Variants in TRAF7 observed in about 807,000 individuals in gnomAD.
TRAF7 encodes TNF receptor associated factor 7.
TRAF7 carries 45 observed loss-of-function variants against 89.3 expected under a neutral mutation model. That is an observed-to-expected ratio of 0.50 (90% CI 0.40 to 0.65). The LOEUF is 0.65. Among genes scored for constraint, TRAF7 ranks in the 30% least tolerant of loss-of-function variants. The pLI is 0.00. For synonymous variants in TRAF7, 406 were observed against 369.2 expected (o/e 1.10, Z -1.14); for missense variants, 677 against 918.1 (o/e 0.74, Z 3.39).
At chr16:2,167,324 C>A (rs1411991499) in intron 3 of TRAF7, among the ~76,000 whole-genome samples, 1 of 139,672 alleles carries the variant, frequency 7.2e-6, no homozygotes, top group East Asian at 1.9e-4. Context: ...GGCAGCCTCT[C>A]GAGGCCTCAA....
At chr16:2,165,782 T>C (rs1404149280) in intron 2 of TRAF7, 97 bp from the exon 3 acceptor site, 9 of 1,419,358 alleles carry the variant, frequency 6.3e-6, no homozygotes, top group Non-Finnish European at 7.9e-6. Flanking sequence ...CTGCGTGGCC[T>C]GGCCTGGTCG....
intron 4 of TRAF7, 103 bp from the exon 5 acceptor site, chr16:2,170,511 A>G (rs1293283405): frequency 6.1e-6 from 5 of 813,514 alleles, no homozygotes; most frequent in Non-Finnish European, 8.1e-6. Flanking sequence ...GGGTGGCCCC[A>G]GGGGTGCTGC....
In TRAF7 at chr16:2,163,638, A is replaced by G. The variant is rs1196809412; in HGVS notation, c.-38-245A>G. ...AGCTGGATGGGCTCTTCGGGAGCTC[A>G]GAAAGGCTAAGCCTTGAGGGACGGT... On this transcript the variant is annotated intron_variant, in intron 1 of 20. Coordinates refer to ENST00000326181, the MANE Select transcript of TRAF7 (RefSeq NM_032271.3). The surrounding 1 kb of genome is among the most constrained non-coding windows in gnomAD (Gnocchi z 4.3). The G allele has an allele frequency of 8.3e-6, 4 of 481,456 alleles. No homozygotes were observed. The highest frequency in any genetic ancestry group is 1.5e-5 in the Non-Finnish European group (4 of 263,238). 29.8% of individuals were successfully genotyped at this position (481,456 alleles called of 1,614,324 possible). A position where few individuals can be genotyped will look rare whatever the true frequency, so the allele number is the denominator to read the frequency against.
rs369407171 is a variant in TRAF7, at chr16:2,175,092, A to G, written c.1347-19A>G. ...GACACAGCTTCTCCCACCTTGACACATTGTCTCTGCTTCCCCAGGTGCAAA... is the reference window on the plus strand; with the variant it reads ...GACACAGCTTCTCCCACCTTGACACGTTGTCTCTGCTTCCCCAGGTGCAAA... On this transcript the variant is annotated intron_variant, in intron 14 of 20. Transcript: ENST00000326181. 12 of 1,613,562 alleles carry G rather than the reference A, an allele frequency of 7.4e-6. No individual in the cohort carries two copies. Among genetic ancestry groups the G allele is most frequent in the African/African-American group, 5.3e-5 (4 of 74,898 alleles).
chr16:2,160,225 C>A (rs1465984210), intron 1 of TRAF7, among the ~76,000 whole-genome samples: 3 of 152,032 alleles, frequency 2.0e-5, no homozygotes, highest in Admixed American at 1.3e-4. Context: ...AGGGGCTGCC[C>A]TGCGTTGGCC....
At chr16:2,173,857 G>GCGGGGGGGCCCCCCCCC in intron 12 of TRAF7, 21 bp downstream of exon 12, 8 of 1,607,474 alleles carry the variant, frequency 5.0e-6, no homozygotes, top group Admixed American at 1.7e-5. Flanking sequence ...ACCCGCCGTG[G>GCGGGGGGGCCCCCCCCC]CTCCCGCCCA....
chr16:2,175,007 T>A (rs1381297543), intron 14 of TRAF7, 104 bp from the exon 15 acceptor site: 15 of 1,421,516 alleles, frequency 1.1e-5, no homozygotes, highest in Non-Finnish European at 1.4e-5. Context: ...CCCTGGGCCA[T>A]GCTGCTGGTT....
Position 2,163,782 on chromosome 16 carries a change from C to T in TRAF7, c.-38-101C>T. The T allele has an allele frequency of 1.3e-6, 1 of 780,094 alleles. No homozygotes were observed. The highest frequency in any genetic ancestry group is 2.2e-6 in the Non-Finnish European group (1 of 462,816). The allele number at this position is 780,094 out of a possible 1,614,324, so 48.3% of individuals were successfully genotyped here. A position where few individuals can be genotyped will look rare whatever the true frequency, so the allele number is the denominator to read the frequency against. On this transcript the variant is annotated intron_variant, in intron 1 of 20. Coordinates refer to ENST00000326181, the MANE Select transcript of TRAF7 (RefSeq NM_032271.3). The surrounding 1 kb of genome is among the most constrained non-coding windows in gnomAD (Gnocchi z 4.3). ...TGGTGGAAGGCTGCTGCGGCGGCCC[C>T]ACGGTGCCCCACAGCAGGTCTGCAC...
At chr16:2,157,014 TGG>T (rs1161968597) in intron 1 of TRAF7, among the ~76,000 whole-genome samples, 1 of 152,032 alleles carries the variant, frequency 6.6e-6, no homozygotes, top group Non-Finnish European at 1.5e-5. Context: ...ACCCTGCTCT[TGG>T]GGGTGAGGGG....
At chr16:2,174,691 G>A (rs972189375) in intron 14 of TRAF7, among the ~76,000 whole-genome samples, 2 of 152,198 alleles carry the variant, frequency 1.3e-5, no homozygotes, top group Admixed American at 1.3e-4. Flanking sequence ...TAGAGACTAC[G>A]GAGCAACTAC....
chr16:2,173,857 G>GCGGGGGCCCCCCC, intron 12 of TRAF7, 21 bp downstream of exon 12: 5 of 1,607,494 alleles, frequency 3.1e-6, no homozygotes, highest in African/African-American at 1.3e-5. Flanking sequence ...ACCCGCCGTG[G>GCGGGGGCCCCCCC]CTCCCGCCCA....
intron 1 of TRAF7, among the ~76,000 whole-genome samples, chr16:2,157,784 G>GA (rs1180645702): frequency 6.6e-6 from 1 of 152,140 alleles, no homozygotes; most frequent in Non-Finnish European, 1.5e-5. Flanking sequence ...GGGGCTCCTG[G>GA]ATGTGTGGCA....
At chr16:2,160,042 G>C (rs891934628) in intron 1 of TRAF7, among the ~76,000 whole-genome samples, 1 of 152,246 alleles carries the variant, frequency 6.6e-6, no homozygotes, top group Non-Finnish European at 1.5e-5. Flanking sequence ...CTAGGGAGGG[G>C]CTCCTGAGGG....
At chr16:2,174,683 G>A (rs548688413) in intron 14 of TRAF7, among the ~76,000 whole-genome samples, 36 of 152,332 alleles carry the variant, frequency 2.4e-4, no homozygotes, top group Non-Finnish European at 4.6e-4. Flanking sequence ...CCAGGGCATA[G>A]AGACTACGGA....
chr16:2,159,845 G>A lies in TRAF7; in HGVS notation c.-39+3987G>A, dbSNP rs1308215234. Among the ~76,000 whole-genome samples the A allele has an allele frequency of 6.6e-6, 1 of 152,248 alleles. No homozygotes were observed. The highest frequency in any genetic ancestry group is 2.1e-4 in the South Asian group (1 of 4,838). ...TTTAAGGCCGGGCCTGGCCCGAGCA[G>A]GGAGCTGCATCTGGAAGCCCCCATC... On this transcript the variant is annotated intron_variant, in intron 1 of 20. Coordinates refer to ENST00000326181, the MANE Select transcript of TRAF7 (RefSeq NM_032271.3). The surrounding 1 kb of genome is among the most constrained non-coding windows in gnomAD (Gnocchi z 6.5).
At chr16:2,172,632 T>TGGGGGGGGGGGGGGGGGGGGGGGGGGGGG in intron 9 of TRAF7, 33 bp downstream of exon 9, 1 of 753,190 alleles carries the variant, frequency 1.3e-6, no homozygotes, top group Admixed American at 2.4e-5. Flanking sequence ...TGGGCCGGGG[T>TGGGGGGGGGGGGGGGGGGGGGGGGGGGGG]GGGCGCAGGC....
At chr16:2,175,469 G>T (rs141624675) in intron 16 of TRAF7, 31 bp from the exon 17 acceptor site, 2 of 1,612,242 alleles carry the variant, frequency 1.2e-6, no homozygotes, top group Non-Finnish European at 1.7e-6. Flanking sequence ...TCCCTTGCCC[G>T]CCCAGCCCAC....
At chr16:2,171,412 AGGGCTCTCGGGGGCCG>A in intron 6 of TRAF7, 56 bp downstream of exon 6, 1 of 1,534,266 alleles carries the variant, frequency 6.5e-7, no homozygotes, top group Non-Finnish European at 8.8e-7. Flanking sequence ...ACAGGACCCC[AGGGCTCTCGGGGGCCG>A]GGGCTGTGGC....
Position 2,175,849 on chromosome 16 carries a change from A to T in TRAF7, c.1642A>T (p.Thr548Ser). The change falls in exon 18 of 21, where the codon ACC becomes TCC. Residue 548 changes from threonine (T) to serine (S), a missense_variant. Physicochemically the swap from Thr to Ser is moderately conservative, Grantham distance 58. Coordinates refer to ENST00000326181, the MANE Select transcript of TRAF7 (RefSeq NM_032271.3). ...YQTIKIWDIR[T>S]LDCIHVLQTS... is the part of the protein sequence containing the mutation. ...TTACTCATAGATCTGGGACATCCGA[A>T]CCCTTGACTGCATCCACGTCCTGCA... 6.2e-7 allele frequency: 1 copy of T among 1,613,286 alleles called. No individual in the cohort carries two copies. Among genetic ancestry groups the T allele is most frequent in the Non-Finnish European group, 8.5e-7 (1 of 1,179,884 alleles).
Sources: allele counts gnomAD v4.1 joint callset (sites outside exome capture counted in the v4.1 genomes callset), GRCh38; gene constraint gnomAD v4.1.1; non-coding constraint Gnocchi (gnomAD v3.1); transcripts MANE v1.5; gene names NCBI Gene and HGNC (gene_info 2026-07-23, HGNC 2026-07-21).